The following TNIP3 variants were observed in gnomAD, a reference collection of about 807,000 sequenced individuals.
TNIP3 encodes TNFAIP3 interacting protein 3, also known as TNFAIP3-interacting protein 3.
A neutral mutation model predicts 54.1 loss-of-function variants in TNIP3; 34 were observed. That is an observed-to-expected ratio of 0.63 (90% CI 0.48 to 0.84). The LOEUF is 0.84. TNIP3 is among the 40% of genes least tolerant of loss of function. The pLI, the probability that TNIP3 is intolerant of heterozygous loss-of-function variation, is 0.00. For synonymous variants in TNIP3, 134 were observed against 136.8 expected, an observed-to-expected ratio of 0.98 and a Z score of 0.14; for missense variants, 366 against 387.6, an observed-to-expected ratio of 0.94 and a Z score of 0.47.
intron 3 of TNIP3, among the ~76,000 whole-genome samples, chr4:121,177,765 A>G (rs1560672189): frequency 6.6e-6 from 1 of 151,970 alleles, no homozygotes; most frequent in Non-Finnish European, 1.5e-5. Flanking sequence ...AAAAATGTGA[A>G]GGTCTTTGTT....
At chr4:121,176,347 C>T (rs1404525309) in intron 3 of TNIP3, among the ~76,000 whole-genome samples, 1 of 152,104 alleles carries the variant, frequency 6.6e-6, no homozygotes. Context: ...CTAAACAGAT[C>T]CTCACACAAC....
At chr4:121,184,072 G>GGC (rs1179025868) in intron 2 of TNIP3, among the ~76,000 whole-genome samples, 1 of 152,014 alleles carries the variant, frequency 6.6e-6, no homozygotes, top group Non-Finnish European at 1.5e-5. Flanking sequence ...TGGCATAATG[G>GGC]AGAAATTATC....
At chr4:121,134,100 G>T (rs1237112011) in intron 10 of TNIP3, among the ~76,000 whole-genome samples, 1 of 152,144 alleles carries the variant, frequency 6.6e-6, no homozygotes, top group Admixed American at 6.6e-5. Context: ...GTTAGTATTA[G>T]ACATTAGTAA....
intron 2 of TNIP3, among the ~76,000 whole-genome samples, chr4:121,213,921 G>A (rs946471683): frequency 6.6e-6 from 1 of 152,038 alleles, no homozygotes; most frequent in Non-Finnish European, 1.5e-5. Context: ...TGTGTTAAAG[G>A]GAAATATAAA....
intron 2 of TNIP3, among the ~76,000 whole-genome samples, chr4:121,211,737 AT>A (rs1230371179): frequency 6.6e-6 from 1 of 152,220 alleles, no homozygotes; most frequent in Non-Finnish European, 1.5e-5. Flanking sequence ...TGTATATTGA[AT>A]TATCAACTCA....
intron 2 of TNIP3, among the ~76,000 whole-genome samples, chr4:121,206,497 T>A (rs548715662): frequency 1.3e-5 from 2 of 152,152 alleles, no homozygotes; most frequent in South Asian, 2.1e-4. Flanking sequence ...TTTTAAAATA[T>A]AAATGTATTT....
chr4:121,133,795 G>T (rs1383993374), intron 10 of TNIP3, among the ~76,000 whole-genome samples: 2 of 152,140 alleles, frequency 1.3e-5, no homozygotes, highest in African/African-American at 4.8e-5. Context: ...ACTGGTGTGT[G>T]TGTAAGAACA....
At chr4:121,203,262 A>AGAT (rs1560690602) in intron 2 of TNIP3, among the ~76,000 whole-genome samples, 7 of 123,148 alleles carry the variant, frequency 5.7e-5, no homozygotes, top group South Asian at 2.8e-4. Context: ...GATAGATAGA[A>AGAT]AGATACCATG....
upstream of TNIP3, among the ~76,000 whole-genome samples, chr4:121,219,522 T>G (rs532860123): frequency 1.1e-4 from 17 of 152,320 alleles, no homozygotes; most frequent in Middle Eastern, 6.8e-3. Flanking sequence ...AACCCAACTT[T>G]GAAGGATAAA....
At chr4:121,168,896 T>C (rs1217541881), upstream of TNIP3, among the ~76,000 whole-genome samples, 1 of 152,188 alleles carries the variant, frequency 6.6e-6, no homozygotes, top group Non-Finnish European at 1.5e-5. Context: ...TCTGACTGTG[T>C]GTCAAACCTA....
Position 121,184,744 on chromosome 4 carries a change from G to A in TNIP3, c.69-1948C>T, listed in dbSNP as rs531943953. The stretch of plus-strand genomic sequence containing the variant: ...ATATTTATATTGTTTCTTTCAGGCT[G>A]TGAAATATCTGTACATCATGTGTCA... On this transcript the variant is annotated intron_variant, in intron 2 of 12. Coordinates refer to the TNIP3 transcript ENST00000507879. Among the ~76,000 whole-genome samples, 12 of 152,270 alleles carry A rather than the reference G, an allele frequency of 7.9e-5. No individual in the cohort carries two copies. In the South Asian group the frequency reaches 2.5e-3, roughly 32 times the overall value.
chr4:121,163,613 G>T (rs1468157823), intron 1 of TNIP3, among the ~76,000 whole-genome samples: 2 of 151,954 alleles, frequency 1.3e-5, no homozygotes, highest in Admixed American at 1.3e-4. Flanking sequence ...TTATACCTTG[G>T]TTATCTGTAA....
At chr4:121,191,738 A>T (rs1725320970) in intron 2 of TNIP3, among the ~76,000 whole-genome samples, 1 of 152,214 alleles carries the variant, frequency 6.6e-6, no homozygotes, top group Non-Finnish European at 1.5e-5. Context: ...TTAACTATGT[A>T]TTTAAGTAAA....
intron 2 of TNIP3, among the ~76,000 whole-genome samples, chr4:121,197,771 A>G (rs1033503713): frequency 1.3e-5 from 2 of 152,294 alleles, no homozygotes; most frequent in Non-Finnish European, 1.5e-5. Context: ...TACATTAGCC[A>G]CCATGAAAGA....
intron 2 of TNIP3, among the ~76,000 whole-genome samples, chr4:121,209,789 T>C (rs917207680): frequency 2.6e-5 from 4 of 152,228 alleles, no homozygotes; most frequent in South Asian, 4.1e-4. Context: ...ATTTTAGTTA[T>C]GCAACTTTTA....
intron 3 of TNIP3, among the ~76,000 whole-genome samples, chr4:121,180,631 AG>A (rs1724637753): frequency 6.6e-6 from 1 of 152,192 alleles, no homozygotes; most frequent in South Asian, 2.1e-4. Flanking sequence ...TACCCATAAA[AG>A]AAGATGGGGT....
At chr4:121,139,178 A>G (rs1357347060) in intron 9 of TNIP3, among the ~76,000 whole-genome samples, 1 of 152,200 alleles carries the variant, frequency 6.6e-6, no homozygotes, top group Non-Finnish European at 1.5e-5. Flanking sequence ...ATGGTGAAGC[A>G]GGGCAAATCT....
chr4:121,196,815 T>C (rs1206175966), intron 2 of TNIP3, among the ~76,000 whole-genome samples: 1 of 152,072 alleles, frequency 6.6e-6, no homozygotes, highest in African/African-American at 2.4e-5. Context: ...TATGATAGAT[T>C]TGCTTCTATT....
intron 3 of TNIP3, among the ~76,000 whole-genome samples, chr4:121,179,406 A>C (rs1035565680): frequency 6.6e-6 from 1 of 152,220 alleles, no homozygotes; most frequent in Non-Finnish European, 1.5e-5. Flanking sequence ...TATTTACCCC[A>C]ATAGGTATTT....
Sources: allele counts gnomAD v4.1 joint callset (sites outside exome capture counted in the v4.1 genomes callset), GRCh38; gene constraint gnomAD v4.1.1; transcripts MANE v1.5; gene names NCBI Gene and HGNC (gene_info 2026-07-23, HGNC 2026-07-21).